The following TTC12 variants were observed in gnomAD, a reference collection of about 807,000 sequenced individuals.
TTC12 encodes tetratricopeptide repeat domain 12, also known as tetratricopeptide repeat protein 12.
In TTC12, 70 loss-of-function variants were observed where a neutral mutation model predicts 90.1. The ratio of observed to expected loss-of-function variants is 0.78; its 90% CI spans 0.64 to 0.95. TTC12 has a LOEUF of 0.95. Among genes scored for constraint, TTC12 ranks in the 40% least tolerant of loss-of-function variants. The pLI, the probability that TTC12 is intolerant of heterozygous loss-of-function variation, is 0.00. For missense variants in TTC12, 819 were observed against 846.1 expected (o/e 0.97, Z 0.40); for synonymous variants, 296 against 311.5 (o/e 0.95, Z 0.53).
chr11:113,366,076 C>T (rs1360933410), intron 21 of TTC12, 149 bp from the exon 22 acceptor site: 14 of 779,570 alleles, frequency 1.8e-5, no homozygotes. Context: ...CTTTAGGGTA[C>T]CCCAATGCCA....
intron 13 of TTC12, among the ~76,000 whole-genome samples, chr11:113,346,498 TC>T (rs1448966293): frequency 1.3e-5 from 2 of 152,126 alleles, no homozygotes; most frequent in African/African-American, 4.8e-5. Context: ...CTCTTGACCT[TC>T]CTCACATGGT....
intron 9 of TTC12, 68 bp downstream of exon 9, chr11:113,338,902 C>G: frequency 7.0e-7 from 1 of 1,434,264 alleles, no homozygotes. Flanking sequence ...CTTAGAATGC[C>G]TTCCGTGCTT....
intron 12 of TTC12, among the ~76,000 whole-genome samples, chr11:113,342,588 G>C (rs114714328): frequency 8.5e-4 from 129 of 152,234 alleles, no homozygotes; most frequent in African/African-American, 3.0e-3. Flanking sequence ...CTTTTCACAG[G>C]GCTACTGTGG....
chr11:113,339,283 T>C lies in TTC12; in HGVS notation c.638-3T>C. On this transcript the variant is annotated splice_region_variant and splice_polypyrimidine_tract_variant and intron_variant, in intron 9 of 21. Coordinates refer to ENST00000529221, the MANE Select transcript of TTC12 (RefSeq NM_017868.4). ...GTTTTGCTTTCCTTTCTTGTTTTTC[T>C]AGGTTACCTGAATCAAGTAGATCTT... 2 of 1,592,554 alleles carry C rather than the reference T, an allele frequency of 1.3e-6. No individual in the cohort carries two copies. Among genetic ancestry groups the C allele is most frequent in the South Asian group, 1.1e-5 (1 of 89,406 alleles).
At position 113,340,746 on chromosome 11, in the gene TTC12, A is replaced by G. The variant is rs1555145754; in HGVS notation, c.896+13A>G. ...AGGTCATAAGAAGGTAGGGATGTTCATAGAGACAGCCCAGCAGCAAAGCAA... is the reference window on the plus strand; with the variant it reads ...AGGTCATAAGAAGGTAGGGATGTTCGTAGAGACAGCCCAGCAGCAAAGCAA... On this transcript the variant is annotated intron_variant, in intron 11 of 21. Transcript: ENST00000529221. The G allele has an allele frequency of 6.2e-7, 1 of 1,604,906 alleles. No homozygotes were observed. The highest frequency in any genetic ancestry group is 8.5e-7 in the Non-Finnish European group (1 of 1,171,552).
chr11:113,339,590 G>A (rs968426491), intron 10 of TTC12, 116 bp downstream of exon 10: 14 of 966,218 alleles, frequency 1.4e-5, no homozygotes, highest in Middle Eastern at 2.9e-4. Context: ...ATTGATTAAA[G>A]ATATACGCTA....
intron 2 of TTC12, among the ~76,000 whole-genome samples, chr11:113,321,877 C>T (rs1947357858): frequency 6.6e-6 from 1 of 152,162 alleles, no homozygotes; most frequent in African/African-American, 2.4e-5. Flanking sequence ...GACAGTTGAC[C>T]ATGGATATAT....
chr11:113,333,803 A>C (rs1325540123), intron 7 of TTC12, among the ~76,000 whole-genome samples: 1 of 152,110 alleles, frequency 6.6e-6, no homozygotes, highest in African/African-American at 2.4e-5. Flanking sequence ...CTTCTCCAAC[A>C]ATTATTGTTC....
At chr11:113,324,388 A>G (rs1165957115) in intron 4 of TTC12, among the ~76,000 whole-genome samples, 5 of 152,250 alleles carry the variant, frequency 3.3e-5, no homozygotes, top group Admixed American at 6.5e-5. Context: ...AAGCACAGTC[A>G]TAGCCATCAT....
rs988279328 is a variant in TTC12, at chr11:113,351,442, C to T, written c.1308+143C>T. 26 of 750,760 alleles carry T rather than the reference C, an allele frequency of 3.5e-5. No individual in the cohort carries two copies. The African/African-American group carries it at 4.5e-4, about 13-fold the overall frequency. The allele number at this position is 750,760 out of a possible 1,614,324, so 46.5% of individuals were successfully genotyped here. A position where few individuals can be genotyped will look rare whatever the true frequency, so the allele number is the denominator to read the frequency against. ...ATTCACAGCTGGAATTTACACAATT[C>T]TCAGTTATTGAAACAGCTACAGGAG... is the stretch of plus-strand genomic sequence containing the variant. On this transcript the variant is annotated intron_variant, in intron 15 of 21. Transcript: ENST00000529221.
At chr11:113,326,788 C>T (rs1947720378) in intron 6 of TTC12, among the ~76,000 whole-genome samples, 1 of 152,132 alleles carries the variant, frequency 6.6e-6, no homozygotes, top group Admixed American at 6.5e-5. Flanking sequence ...TTGCATTACC[C>T]GAACAAGATT....
At chr11:113,368,706 C>A, downstream of TTC12, 1 of 595,366 alleles carries the variant, frequency 1.7e-6, no homozygotes. Context: ...GATGCTGCAA[C>A]AGGTCACGGG....
At chr11:113,369,876 C>T (rs189447002), downstream of TTC12, among the ~76,000 whole-genome samples, 2 of 152,336 alleles carry the variant, frequency 1.3e-5, no homozygotes, top group Admixed American at 1.3e-4. Context: ...TATCTGCCCC[C>T]TCCCACCCTC....
chr11:113,362,374 T>TA, intron 18 of TTC12, 27 bp from the exon 19 acceptor site: 1 of 1,549,138 alleles, frequency 6.5e-7, no homozygotes, highest in Non-Finnish European at 8.9e-7. Flanking sequence ...AAAGGACATT[T>TA]AATTATCCTC....
Position 113,334,890 on chromosome 11 carries a change from T to C in TTC12, c.505-76T>C, listed in dbSNP as rs879968887. On this transcript the variant is annotated intron_variant, in intron 7 of 21. Coordinates refer to ENST00000529221, the MANE Select transcript of TTC12 (RefSeq NM_017868.4). ...AATCAAAGTTTCGCCTTAACTCTTT[T>C]AGCTGTATAGTGAGGGGAGTGGCTA... The C allele has an allele frequency of 8.0e-5, 98 of 1,224,592 alleles. 1 individual carries two copies. In the South Asian group the frequency reaches 1.2e-3, roughly 15 times the overall value. 75.9% of individuals were successfully genotyped at this position (1,224,592 alleles called of 1,614,324 possible). A position where few individuals can be genotyped will look rare whatever the true frequency, so the allele number is the denominator to read the frequency against.
chr11:113,372,822 C>T (rs968346611), intron 21 of TTC12, among the ~76,000 whole-genome samples: 1 of 152,098 alleles, frequency 6.6e-6, no homozygotes, highest in Admixed American at 6.6e-5. Flanking sequence ...TGGGCATCAA[C>T]CCTGGGTGTC....
intron 12 of TTC12, among the ~76,000 whole-genome samples, chr11:113,342,522 A>G (rs557965293): frequency 1.3e-5 from 2 of 152,324 alleles, no homozygotes; most frequent in Admixed American, 1.3e-4. Context: ...TTTCATAGGA[A>G]AAAGTTTGAC....
At position 113,361,329 on chromosome 11, in the gene TTC12, G is replaced by C. The variant is rs531771187; in HGVS notation, c.1615-1072G>C. Among the ~76,000 whole-genome samples the C allele has an allele frequency of 2.4e-4, 37 of 152,362 alleles. No individual in the cohort carries two copies. The South Asian group carries it at 7.2e-3, about 30-fold the overall frequency. On this transcript the variant is annotated intron_variant, in intron 18 of 21. Transcript: ENST00000529221. Reference sequence around the variant, plus strand: ...AAAAGTAGAGACCTACGTTGACAGTGAACAGGCAATGGTTACCAATAGGTA... The same window carrying C: ...AAAAGTAGAGACCTACGTTGACAGTCAACAGGCAATGGTTACCAATAGGTA...
chr11:113,339,647 C>A, intron 10 of TTC12, 173 bp downstream of exon 10: 1 of 581,514 alleles, frequency 1.7e-6, no homozygotes. Flanking sequence ...CCGACTTCTG[C>A]TCCATCCTCT....
Sources: allele counts gnomAD v4.1 joint callset (sites outside exome capture counted in the v4.1 genomes callset), GRCh38; gene constraint gnomAD v4.1.1; transcripts MANE v1.5; gene names NCBI Gene and HGNC (gene_info 2026-07-23, HGNC 2026-07-21).